GALNT7: variants seen among roughly 807,000 people sequenced by gnomAD.
GALNT7 encodes polypeptide N-acetylgalactosaminyltransferase 7.
Under a neutral mutation model 82.1 loss-of-function variants are expected in GALNT7, and 60 were observed. The ratio of observed to expected loss-of-function variants is 0.73; its 90% CI spans 0.59 to 0.91. The LOEUF (loss-of-function observed/expected upper bound fraction) is 0.91. Among genes scored for constraint, GALNT7 ranks in the 40% least tolerant of loss-of-function variants. The pLI is 0.00. For synonymous variants in GALNT7, 243 were observed against 275.1 expected (o/e 0.88, Z 1.15); for missense variants, 660 against 804.2 (o/e 0.82, Z 2.17).
intron 1 of GALNT7, among the ~76,000 whole-genome samples, chr4:173,200,359 T>A (rs1319320116): frequency 6.6e-6 from 1 of 152,190 alleles, no homozygotes; most frequent in Non-Finnish European, 1.5e-5. Context: ...AGAACTATTT[T>A]CAGTTATCTG....
At position 173,323,863 on chromosome 4, in the gene GALNT7, A is replaced by T. The variant is rs1171817663; in HGVS notation, c.*2146A>T. The T allele has an allele frequency of 6.6e-6, 1 of 152,618 alleles. No homozygotes were observed. The highest frequency in any genetic ancestry group is 1.5e-5 in the Non-Finnish European group (1 of 68,006). The allele number at this position is 152,618 out of a possible 1,614,324, so 9.5% of individuals were successfully genotyped here. A position where few individuals can be genotyped will look rare whatever the true frequency, so the allele number is the denominator to read the frequency against. On this transcript the variant is annotated 3_prime_UTR_variant, in exon 12 of 12. Coordinates refer to ENST00000265000, the MANE Select transcript of GALNT7 (RefSeq NM_017423.3). ...TGTATGTTTCTGTAGAAATTGTATA[A>T]ATATTCAAAATTTTATTAGGATAAA...
intron 1 of GALNT7, among the ~76,000 whole-genome samples, chr4:173,243,238 A>G (rs1327743674): frequency 6.6e-6 from 1 of 152,196 alleles, no homozygotes; most frequent in East Asian, 1.9e-4. Flanking sequence ...AAAATATTAC[A>G]TATAAGCAGG....
intron 1 of GALNT7, among the ~76,000 whole-genome samples, chr4:173,183,084 A>ACACACT (rs1554020072): frequency 2.1e-5 from 3 of 143,736 alleles, no homozygotes; most frequent in Non-Finnish European, 4.6e-5. Flanking sequence ...ACACACACAC[A>ACACACT]CACACACTGC....
intron 2 of GALNT7, among the ~76,000 whole-genome samples, chr4:173,283,336 A>G (rs1736184931): frequency 6.6e-6 from 1 of 152,160 alleles, no homozygotes; most frequent in Non-Finnish European, 1.5e-5. Flanking sequence ...TCCACAAGGA[A>G]TCTTAGATAG....
At chr4:173,201,439 T>C (rs550832103) in intron 1 of GALNT7, among the ~76,000 whole-genome samples, 2 of 152,294 alleles carry the variant, frequency 1.3e-5, no homozygotes, top group Admixed American at 1.3e-4. Flanking sequence ...CTTGCTGCCT[T>C]ATGGAATCAA....
chr4:173,180,586 C>A (rs1387958868), intron 1 of GALNT7, among the ~76,000 whole-genome samples: 3 of 152,134 alleles, frequency 2.0e-5, no homozygotes, highest in African/African-American at 7.2e-5. Flanking sequence ...CCTTGGTTTC[C>A]CAAAGTGCTG....
chr4:173,317,583 A>G, intron 9 of GALNT7, 51 bp from the exon 10 acceptor site: 1 of 1,114,332 alleles, frequency 9.0e-7, no homozygotes, highest in East Asian at 2.4e-5. Context: ...GCCAGAGTTC[A>G]TCAAAAACTA....
chr4:173,236,235 C>G (rs890809286), intron 1 of GALNT7, among the ~76,000 whole-genome samples: 3 of 152,124 alleles, frequency 2.0e-5, no homozygotes, highest in African/African-American at 7.2e-5. Context: ...CGTTGTCTAT[C>G]AGAGAGCTGG....
At chr4:173,275,095 G>A (rs1216416025) in intron 2 of GALNT7, among the ~76,000 whole-genome samples, 1 of 152,144 alleles carries the variant, frequency 6.6e-6, no homozygotes, top group African/African-American at 2.4e-5. Context: ...TCTCAACATG[G>A]GGAGCATAAC....
At position 173,168,930 on chromosome 4, in the gene GALNT7, C is replaced by T. The variant is rs780571996; in HGVS notation, c.95C>T (p.Pro32Leu). The T allele has an allele frequency of 8.7e-6, 14 of 1,613,688 alleles. No individual in the cohort carries two copies. The highest frequency in any genetic ancestry group is 1.1e-5 in the Non-Finnish European group (13 of 1,179,780). Residue 32 changes from proline (P) to leucine (L), a missense_variant, in exon 1 of 12, where the codon CCG becomes CTG. By Grantham distance (98) the Pro-to-Leu change is moderately conservative (BLOSUM62 -3). Around this residue, in one of 2 missense-constraint regions of GALNT7, gnomAD observed 133 missense variants for 120.7 expected, o/e 1.10. Coordinates refer to ENST00000265000, the MANE Select transcript of GALNT7 (RefSeq NM_017423.3). Reference sequence around the variant, plus strand: ...CTCTGGTCTTCCCTGACCCCGCGGCCGGACGACCCAAGCCCGCTGAGCAGG... The same window carrying T: ...CTCTGGTCTTCCCTGACCCCGCGGCTGGACGACCCAAGCCCGCTGAGCAGG... ...VVLWSSLTPRPDDPSPLSRMR... is the reference protein window; with the variant it reads ...VVLWSSLTPRLDDPSPLSRMR...
chr4:173,298,279 C>G lies in GALNT7; in HGVS notation c.1130C>G (p.Thr377Arg). 6.4e-7 allele frequency: 1 copy of G among 1,571,168 alleles called. No homozygotes were observed. Among genetic ancestry groups the G allele is most frequent in the Non-Finnish European group, 8.6e-7 (1 of 1,165,080 alleles). Residue 377 changes from threonine to arginine, a missense_variant, in exon 6 of 12, where the codon ACA becomes AGA. Transcript: ENST00000265000. Reference sequence around the variant, plus strand: ...CCTCAAGAGAAGAGACTGAGAAAGACAAAAACTGAACCGTATCGGTAATCA... The same window carrying G: ...CCTCAAGAGAAGAGACTGAGAAAGAGAAAAACTGAACCGTATCGGTAATCA... ...LTPQEKRLRK[T>R]KTEPYRSPAM...
At chr4:173,313,142 C>A (rs1034217719) in intron 8 of GALNT7, among the ~76,000 whole-genome samples, 1 of 152,010 alleles carries the variant, frequency 6.6e-6, no homozygotes, top group African/African-American at 2.4e-5. Context: ...TAAAATAGTT[C>A]TATTATAGTT....
chr4:173,305,105 C>G (rs908538566), intron 8 of GALNT7, among the ~76,000 whole-genome samples: 22 of 152,052 alleles, frequency 1.4e-4, no homozygotes, highest in Admixed American at 2.0e-4. Flanking sequence ...GTACTGTTTT[C>G]CCATAATGGC....
intron 1 of GALNT7, among the ~76,000 whole-genome samples, chr4:173,237,267 C>G (rs756012795): frequency 7.9e-5 from 12 of 152,130 alleles, no homozygotes; most frequent in Non-Finnish European, 1.5e-4. Flanking sequence ...GTTGTAAAGC[C>G]ACACATTGCA....
At chr4:173,225,679 TAATG>T (rs1435308190) in intron 1 of GALNT7, among the ~76,000 whole-genome samples, 2 of 152,234 alleles carry the variant, frequency 1.3e-5, no homozygotes, top group Non-Finnish European at 2.9e-5. Context: ...GTACTCTGCT[TAATG>T]AGCTACTTTC....
chr4:173,267,760 C>G (rs948416048), intron 2 of GALNT7, among the ~76,000 whole-genome samples: 3 of 151,680 alleles, frequency 2.0e-5, no homozygotes, highest in Non-Finnish European at 4.4e-5. Flanking sequence ...CCTCTTCTAG[C>G]AATTGTGGAT....
intron 1 of GALNT7, among the ~76,000 whole-genome samples, chr4:173,196,861 T>C (rs1051879611): frequency 6.6e-6 from 1 of 152,192 alleles, no homozygotes; most frequent in Admixed American, 6.5e-5. Context: ...AGTGTAATAG[T>C]GTAATAAGGG....
In GALNT7 at chr4:173,304,086, C is replaced by T; in HGVS notation, c.1357C>T (p.Pro453Ser). ...RLEGWQGNPP[P>S]IYVGSSPTLK... ...TGAGGGCTGGCAAGGAAATCCTCCG[C>T]CCATTTATGTTGGGTCTTCTCCAAC... The change falls in exon 8 of 12, where the codon CCC becomes TCC. Residue 453 changes from proline to serine, a missense_variant. This residue lies in a region of GALNT7 where 527 missense variants were observed against 683.5 expected (regional missense o/e 0.77). Transcript: ENST00000265000. 2 of 1,613,508 alleles carry T rather than the reference C, an allele frequency of 1.2e-6. No individual in the cohort carries two copies. The highest frequency in any genetic ancestry group is 1.7e-6 in the Non-Finnish European group (2 of 1,179,678).
At chr4:173,266,666 G>A (rs569263814) in intron 2 of GALNT7, among the ~76,000 whole-genome samples, 1 of 152,166 alleles carries the variant, frequency 6.6e-6, no homozygotes, top group East Asian at 1.9e-4. Context: ...GTTGTAAGAA[G>A]TTATACTATT....
Sources: allele counts gnomAD v4.1 joint callset (sites outside exome capture counted in the v4.1 genomes callset), GRCh38; gene constraint gnomAD v4.1.1; regional missense constraint gnomAD v4.1.1; transcripts MANE v1.5; gene names NCBI Gene and HGNC (gene_info 2026-07-23, HGNC 2026-07-21).